The following TDRD9 variants were observed in gnomAD, a reference collection of about 807,000 sequenced individuals.
TDRD9 encodes ATP-dependent RNA helicase TDRD9.
A neutral mutation model predicts 172.6 loss-of-function variants in TDRD9; 124 were observed. The ratio of observed to expected loss-of-function variants is 0.72; its 90% CI spans 0.62 to 0.83. The LOEUF (loss-of-function observed/expected upper bound fraction) is 0.83. Ranked by LOEUF, TDRD9 falls within the 40% of genes least tolerant of loss-of-function variation. The pLI is 0.00. For synonymous variants in TDRD9, 619 were observed against 617.1 expected (o/e 1.00, Z -0.05); for missense variants, 1,479 against 1,714.1 (o/e 0.86, Z 2.42).
intron 5 of TDRD9, among the ~76,000 whole-genome samples, chr14:103,967,548 G>A (rs986674834): frequency 1.5e-4 from 22 of 151,646 alleles, no homozygotes; most frequent in African/African-American, 5.3e-4. Context: ...CAACCAAAAG[G>A]ATAAACCCAT....
At chr14:103,932,707 G>A (rs940787793) in intron 1 of TDRD9, among the ~76,000 whole-genome samples, 4 of 152,072 alleles carry the variant, frequency 2.6e-5, no homozygotes, top group African/African-American at 9.7e-5. Flanking sequence ...GCTTTTATAA[G>A]CATAGGGTAT....
At chr14:104,026,491 T>G (rs1425770982) in intron 27 of TDRD9, among the ~76,000 whole-genome samples, 188 bp from the exon 28 acceptor site, 1 of 152,202 alleles carries the variant, frequency 6.6e-6, no homozygotes, top group East Asian at 1.9e-4. Flanking sequence ...TCTAAATATT[T>G]CTTATTGTTG....
chr14:103,935,967 A>G (rs1443561954), intron 1 of TDRD9, among the ~76,000 whole-genome samples: 1 of 152,004 alleles, frequency 6.6e-6, no homozygotes, highest in Non-Finnish European at 1.5e-5. Context: ...GGAGGTCACA[A>G]TAATAATAAT....
At chr14:103,987,396 A>AATTACGC (rs1566761936) in intron 8 of TDRD9, among the ~76,000 whole-genome samples, 1 of 151,806 alleles carries the variant, frequency 6.6e-6, no homozygotes, top group Admixed American at 6.6e-5. Context: ...TCATCTTCCA[A>AATTACGC]ATTTCCTGCT....
rs141575544 is a variant in TDRD9 at position 104,042,275 on chromosome 14, A to T, written c.3974+88A>T. ...ATGGCTGTTTTGAATTGTGTAGGCAATGTGACATATTGATCACCTGAAGTG... is the reference window on the plus strand; with the variant it reads ...ATGGCTGTTTTGAATTGTGTAGGCATTGTGACATATTGATCACCTGAAGTG... On this transcript the variant is annotated intron_variant, in intron 34 of 35. Transcript: ENST00000409874. The T allele has an allele frequency of 4.4e-5, 39 of 879,436 alleles. 1 individual carries two copies. In the Admixed American group the frequency reaches 7.8e-4, roughly 18 times the overall value. The allele number at this position is 879,436 out of a possible 1,614,324, so 54.5% of individuals were successfully genotyped here.
At chr14:104,006,248 C>A in intron 15 of TDRD9, 141 bp from the exon 16 acceptor site, 3 of 659,954 alleles carry the variant, frequency 4.5e-6, no homozygotes, top group Non-Finnish European at 7.6e-6. Flanking sequence ...TTTTTGGTAA[C>A]ATATCAACCT....
At chr14:104,039,953 CT>C (rs1235038219) in intron 32 of TDRD9, among the ~76,000 whole-genome samples, 1 of 151,950 alleles carries the variant, frequency 6.6e-6, no homozygotes, top group African/African-American at 2.4e-5. Context: ...ACATTAGAAA[CT>C]TAATAAAGTA....
intron 30 of TDRD9, among the ~76,000 whole-genome samples, chr14:104,032,490 C>T (rs533226630): frequency 3.3e-5 from 5 of 152,234 alleles, no homozygotes; most frequent in Non-Finnish European, 7.3e-5. Context: ...CAGGCGTGAG[C>T]CACCATGCCC....
intron 9 of TDRD9, 132 bp downstream of exon 9, chr14:103,991,356 C>A: frequency 1.1e-6 from 1 of 911,182 alleles, no homozygotes; most frequent in Non-Finnish European, 1.6e-6. Flanking sequence ...AGTATGTGAA[C>A]AAATGTAACT....
At chr14:104,033,924 T>A in intron 30 of TDRD9, 36 bp from the exon 31 acceptor site, 2 of 1,368,248 alleles carry the variant, frequency 1.5e-6, no homozygotes, top group East Asian at 2.5e-5. Context: ...GGTTAGTGGA[T>A]CAGTCACCCC....
chr14:103,928,471 A>C lies in TDRD9; in HGVS notation c.-39A>C. The C allele has an allele frequency of 7.0e-7, 1 of 1,425,448 alleles. No homozygotes were observed. Among genetic ancestry groups the C allele is most frequent in the Non-Finnish European group, 9.3e-7 (1 of 1,079,926 alleles). The allele number at this position is 1,425,448 out of a possible 1,614,324, so 88.3% of individuals were successfully genotyped here. On this transcript the variant is annotated 5_prime_UTR_variant, in exon 1 of 36. Coordinates refer to ENST00000409874, the MANE Select transcript of TDRD9 (RefSeq NM_153046.3). ...GCCGTCGCCTGTTCCCGCCGCGGAG[A>C]CCCGGCAGTTGGGGGATGCCGACGC...
At chr14:104,008,901 G>A (rs1039289434) in intron 20 of TDRD9, among the ~76,000 whole-genome samples, 3 of 152,150 alleles carry the variant, frequency 2.0e-5, no homozygotes, top group Admixed American at 6.5e-5. Context: ...GTGACAGAGC[G>A]AGAGCCTGTC....
At chr14:104,040,111 A>G in intron 32 of TDRD9, 85 bp from the exon 33 acceptor site, 8 of 1,242,570 alleles carry the variant, frequency 6.4e-6, no homozygotes, top group Non-Finnish European at 8.3e-6. Context: ...AATTTAGGAT[A>G]ATTTTATCGG....
In TDRD9 at chr14:104,019,774, G is replaced by A. The variant is rs144268713; in HGVS notation, c.2432+1582G>A. Among the ~76,000 whole-genome samples the A allele has an allele frequency of 6.7e-3, 1,014 of 152,332 alleles. 8 individuals carry two copies. The highest frequency in any genetic ancestry group is 0.023 in the African/African-American group (949 of 41,564). On this transcript the variant is annotated intron_variant, in intron 23 of 35. Transcript: ENST00000409874. ...TCTCCCATAAGAAGCTTTCAACTTC[G>A]TGGTAGGAGTGGAGAGTCAAATTAG...
chr14:104,006,197 TA>T (rs1367477672), intron 15 of TDRD9, among the ~76,000 whole-genome samples, 191 bp from the exon 16 acceptor site: 5 of 152,170 alleles, frequency 3.3e-5, no homozygotes, highest in African/African-American at 1.2e-4. Flanking sequence ...AAAAAAAAAG[TA>T]AAATGTGTTC....
rs187207539 is a variant in TDRD9 at position 104,046,738 on chromosome 14, C to T, written c.3975-2870C>T. Among the ~76,000 whole-genome samples, 30 of 152,030 alleles carry T rather than the reference C, an allele frequency of 2.0e-4. 1 individual carries two copies. Among genetic ancestry groups the T allele is most frequent in the African/African-American group, 2.7e-4 (11 of 41,468 alleles). On this transcript the variant is annotated intron_variant, in intron 34 of 35. Transcript: ENST00000409874. ...TCGGCTCACTGCAAGCTCCGCCCCC[C>T]GGGTTCATGCCATTCTCCTGCCTCA...
intron 29 of TDRD9, among the ~76,000 whole-genome samples, chr14:104,031,470 T>TG (rs889319797): frequency 2.3e-5 from 3 of 128,472 alleles, no homozygotes; most frequent in African/African-American, 6.4e-5. Flanking sequence ...TTTGACTAGT[T>TG]TTTTTTTTTT....
At chr14:103,954,790 A>C (rs188141358) in intron 1 of TDRD9, among the ~76,000 whole-genome samples, 87 of 151,714 alleles carry the variant, frequency 5.7e-4, no homozygotes, top group South Asian at 1.2e-3. Flanking sequence ...CACCACACCC[A>C]GTTAATTTTT....
At chr14:103,936,956 G>T (rs2030807289) in intron 1 of TDRD9, among the ~76,000 whole-genome samples, 1 of 152,136 alleles carries the variant, frequency 6.6e-6, no homozygotes, top group Admixed American at 6.5e-5. Flanking sequence ...GCCGGGTGTT[G>T]TGGTGCCTGC....
Sources: gnomAD v4.1 joint callset for allele counts (sites outside exome capture counted in the v4.1 genomes callset) on GRCh38, gnomAD v4.1.1 for gene constraint, MANE v1.5 for transcripts, NCBI Gene and HGNC (gene_info 2026-07-23, HGNC 2026-07-21) for gene names.